Variants in BMPR1B observed in about 807,000 individuals in gnomAD.
BMPR1B encodes the protein bone morphogenetic protein receptor type 1B, also known as bone morphogenetic protein receptor type-1B.
In BMPR1B, 12 loss-of-function variants were observed where a neutral mutation model predicts 59.1. The observed-to-expected ratio is 0.20, with a 90% CI of 0.13 to 0.33. BMPR1B has a LOEUF of 0.33. Among genes scored for constraint, BMPR1B ranks in the 10% least tolerant of loss-of-function variants. BMPR1B has a pLI of 1.00. For synonymous variants in BMPR1B, 237 were observed against 207.3 expected, an observed-to-expected ratio of 1.14 and a Z score of -1.23; for missense variants, 550 against 610.9, an observed-to-expected ratio of 0.90 and a Z score of 1.05.
chr4:95,022,348 A>G (rs1233032870), intron 3 of BMPR1B, among the ~76,000 whole-genome samples: 1 of 152,186 alleles, frequency 6.6e-6, no homozygotes, highest in Admixed American at 6.6e-5. Context: ...AATCAGATGT[A>G]TTTTCTGACC....
chr4:95,087,628 A>T (rs921661522), intron 3 of BMPR1B, among the ~76,000 whole-genome samples: 1 of 152,112 alleles, frequency 6.6e-6, no homozygotes, highest in Non-Finnish European at 1.5e-5. Flanking sequence ...CTGCTAAGGG[A>T]AGCTGAGGTG....
chr4:95,101,600 G>A (rs1319923192), intron 3 of BMPR1B, among the ~76,000 whole-genome samples: 2 of 151,820 alleles, frequency 1.3e-5, no homozygotes, highest in African/African-American at 2.4e-5. Context: ...CCCCACATTT[G>A]GCTTAAAAAT....
chr4:95,012,663 C>T lies in BMPR1B; in HGVS notation c.-18+16529C>T, dbSNP rs185086501. Among the ~76,000 whole-genome samples, 13 of 152,186 alleles carry T rather than the reference C, an allele frequency of 8.5e-5. No individual in the cohort carries two copies. The East Asian group carries it at 9.6e-4, about 11-fold the overall frequency. On this transcript the variant is annotated intron_variant, in intron 3 of 12. Transcript: ENST00000515059. ...ATGCTTTTCCAGCTGTGTAAATATA[C>T]GTATTGCATAAACAAACTAAAATTA...
At chr4:95,000,311 G>C (rs1407803020) in intron 3 of BMPR1B, among the ~76,000 whole-genome samples, 3 of 151,998 alleles carry the variant, frequency 2.0e-5, no homozygotes, top group Admixed American at 1.3e-4. Context: ...AATCTTAATT[G>C]CTTGGAATGG....
chr4:94,759,080 T>C (rs530477745), intron 1 of BMPR1B, among the ~76,000 whole-genome samples: 3 of 152,346 alleles, frequency 2.0e-5, no homozygotes, highest in African/African-American at 7.2e-5. Context: ...CTGGAAGTTG[T>C]CCGCTGTGGT....
intron 1 of BMPR1B, among the ~76,000 whole-genome samples, chr4:94,831,949 C>G (rs543414903): frequency 6.6e-6 from 1 of 152,304 alleles, no homozygotes; most frequent in South Asian, 2.1e-4. Context: ...TCACTGTCTC[C>G]CATCACTCCC....
chr4:94,954,495 A>T, intron 2 of BMPR1B, among the ~76,000 whole-genome samples: 1 of 152,248 alleles, frequency 6.6e-6, no homozygotes, highest in Non-Finnish European at 1.5e-5. Context: ...GACTCTGTTT[A>T]CATAGATTTC....
At chr4:94,802,340 C>T (rs1409594477) in intron 1 of BMPR1B, among the ~76,000 whole-genome samples, 4 of 152,140 alleles carry the variant, frequency 2.6e-5, no homozygotes, top group African/African-American at 4.8e-5. Flanking sequence ...CCACATCCAC[C>T]GGGAGCTAAG....
At chr4:94,873,409 T>C (rs1006811266) in intron 1 of BMPR1B, among the ~76,000 whole-genome samples, 4 of 137,126 alleles carry the variant, frequency 2.9e-5, no homozygotes, top group Non-Finnish European at 6.1e-5. Flanking sequence ...GGCTATGAAT[T>C]CTTTTTTTTT....
At chr4:94,839,648 G>A (rs530034481) in intron 1 of BMPR1B, among the ~76,000 whole-genome samples, 6,416 of 132,326 alleles carry the variant, frequency 0.048, 155 homozygotes, top group Middle Eastern at 0.057. Flanking sequence ...TTGAGCCTAT[G>A]TGTGTCTCTG....
chr4:94,974,487 T>G (rs1730936253), intron 2 of BMPR1B, among the ~76,000 whole-genome samples: 1 of 152,164 alleles, frequency 6.6e-6, no homozygotes, highest in Non-Finnish European at 1.5e-5. Context: ...CTGAAATCAC[T>G]GATGCAGGCT....
In BMPR1B at chr4:94,835,640, ATATT is replaced by A. The variant is rs749313995; in HGVS notation, c.-182-40186_-182-40183del. ...TTTTAGATTCAAATTTAAATTGAAA[ATATT>A]TATTAAGTATAAGTTTTGTAAAACT... On this transcript the variant is annotated intron_variant, in intron 1 of 12. Coordinates refer to ENST00000515059, the MANE Select transcript of BMPR1B (RefSeq NM_001203.3). Among the ~76,000 whole-genome samples, 5 of 149,412 alleles carry A rather than the reference ATATT, an allele frequency of 3.3e-5. No homozygotes were observed. In the East Asian group the frequency reaches 5.8e-4, roughly 17 times the overall value.
At chr4:95,109,476 C>T (rs973106224) in intron 4 of BMPR1B, among the ~76,000 whole-genome samples, 2 of 152,096 alleles carry the variant, frequency 1.3e-5, no homozygotes, top group African/African-American at 4.8e-5. Context: ...ACAGGTGCTC[C>T]TGACCGTAGG....
intron 3 of BMPR1B, among the ~76,000 whole-genome samples, chr4:95,093,017 G>C (rs1007606230): frequency 3.9e-5 from 6 of 152,096 alleles, no homozygotes; most frequent in African/African-American, 9.7e-5. Flanking sequence ...TTGTCAAAGA[G>C]ACCACGGTTC....
intron 1 of BMPR1B, among the ~76,000 whole-genome samples, chr4:94,841,197 A>T (rs1560510111): frequency 6.7e-6 from 1 of 149,484 alleles, no homozygotes. Context: ...AAGTCTGCAG[A>T]GGTTACTGCT....
intron 3 of BMPR1B, among the ~76,000 whole-genome samples, chr4:95,035,305 T>A (rs998848682): frequency 7.2e-5 from 11 of 152,146 alleles, no homozygotes. Flanking sequence ...TATTTATCTT[T>A]GTTTTTGTTG....
chr4:94,884,864 T>A (rs1727111950), intron 2 of BMPR1B, among the ~76,000 whole-genome samples: 1 of 152,188 alleles, frequency 6.6e-6, no homozygotes, highest in East Asian at 1.9e-4. Flanking sequence ...GTGATTTGCT[T>A]TAGCCAATAG....
intron 2 of BMPR1B, among the ~76,000 whole-genome samples, chr4:94,887,394 AC>A (rs772427928): frequency 1.4e-5 from 1 of 72,896 alleles, no homozygotes; most frequent in Non-Finnish European, 2.7e-5. Flanking sequence ...CTTCACCCCC[AC>A]CCCCCACCAA....
At chr4:95,096,928 C>A (rs1156800984) in intron 3 of BMPR1B, among the ~76,000 whole-genome samples, 3 of 137,720 alleles carry the variant, frequency 2.2e-5, no homozygotes, top group African/African-American at 8.1e-5. Context: ...TATATTAAAT[C>A]AAATTAAATA....
Sources: allele counts gnomAD v4.1 joint callset (sites outside exome capture counted in the v4.1 genomes callset), GRCh38; gene constraint gnomAD v4.1.1; transcripts MANE v1.5; gene names NCBI Gene and HGNC (gene_info 2026-07-23, HGNC 2026-07-21).